The following RELB variants were observed in gnomAD, a reference collection of about 807,000 sequenced individuals.
RELB encodes RELB proto-oncogene, NF-kB subunit.
Under a neutral mutation model 55.4 loss-of-function variants are expected in RELB, and 14 were observed. That is an observed-to-expected ratio of 0.25 (90% CI 0.17 to 0.40). The LOEUF is 0.40. RELB is among the 10% of genes least tolerant of loss of function. The probability of loss-of-function intolerance (pLI) is 1.00; values close to 1 mark genes in which losing one functional copy is unlikely to be tolerated. For missense variants in RELB, 669 were observed against 830.7 expected (o/e 0.81, Z 2.39); for synonymous variants, 409 against 371.3 (o/e 1.10, Z -1.17).
chr19:45,035,165 A>G (rs1255763599), intron 11 of RELB, among the ~76,000 whole-genome samples: 1 of 151,954 alleles, frequency 6.6e-6, no homozygotes, highest in Non-Finnish European at 1.5e-5. Context: ...AACTGCATTT[A>G]CAGCAAAACC....
chr19:45,008,186 A>G lies in RELB; in HGVS notation c.155-1628A>G, dbSNP rs184937866. ...CTCCGTCTCAAAAAAATAAAAATAAATAAAATAAAATAAAATAAAATATTA... is the reference window on the plus strand; with the variant it reads ...CTCCGTCTCAAAAAAATAAAAATAAGTAAAATAAAATAAAATAAAATATTA... On this transcript the variant is annotated intron_variant, in intron 2 of 11. Transcript: ENST00000221452. Among the ~76,000 whole-genome samples the G allele has an allele frequency of 2.6e-3, 393 of 151,062 alleles. 12 individuals carry two copies. The highest frequency in any genetic ancestry group is 0.024 in the Admixed American group (357 of 15,168).
intron 2 of RELB, chr19:45,008,760 G>T (rs1351409234): frequency 3.1e-6 from 1 of 327,580 alleles, no homozygotes. Context: ...ACCAGCGCAG[G>T]CAGCCCTGGG....
intron 8 of RELB, among the ~76,000 whole-genome samples, chr19:45,031,272 C>T (rs567672379): frequency 6.6e-5 from 10 of 151,656 alleles, no homozygotes; most frequent in Non-Finnish European, 1.0e-4. Flanking sequence ...CACAGGCGTG[C>T]GCCACCATGC....
At chr19:45,009,906 G>C (rs1057171471) in intron 3 of RELB, 84 bp downstream of exon 3, 1 of 1,323,676 alleles carries the variant, frequency 7.6e-7, no homozygotes, top group African/African-American at 1.4e-5. Context: ...TTGTTCAGTG[G>C]GGGTGGGGGA....
chr19:45,017,453 A>AAAAAAAAAAAACAAAAAAAAACAAAAC (rs1568400048), intron 4 of RELB, among the ~76,000 whole-genome samples: 2 of 151,102 alleles, frequency 1.3e-5, no homozygotes, highest in African/African-American at 4.9e-5. Context: ...TCTGTCTAAA[A>AAAAAAAAAAAACAAAAAAAAACAAAAC]AAAAAAAAAA....
At chr19:45,028,620 C>T (rs924757703) in intron 7 of RELB, among the ~76,000 whole-genome samples, 8 of 152,324 alleles carry the variant, frequency 5.3e-5, no homozygotes, top group Non-Finnish European at 1.0e-4. Context: ...AGGCGTGAGC[C>T]ACCATGCCCG....
intron 8 of RELB, among the ~76,000 whole-genome samples, chr19:45,031,630 C>T (rs1350617051): frequency 6.6e-6 from 1 of 152,036 alleles, no homozygotes; most frequent in Non-Finnish European, 1.5e-5. Flanking sequence ...GGCTGGAGTG[C>T]AGTGGTGCGA....
chr19:45,016,811 C>T (rs879340262), intron 4 of RELB, among the ~76,000 whole-genome samples: 3 of 152,028 alleles, frequency 2.0e-5, no homozygotes, highest in Non-Finnish European at 2.9e-5. Context: ...GAGCTGAGAT[C>T]GTGCCATTGC....
intron 2 of RELB, chr19:45,003,524 T>C (rs771777805): frequency 4.0e-6 from 2 of 503,294 alleles, no homozygotes; most frequent in South Asian, 2.9e-5. Flanking sequence ...TCTTACCACC[T>C]ATCCATGCGC....
chr19:45,022,217 AC>A lies in RELB; in HGVS notation c.662+12del, dbSNP rs763446566. 40 of 1,584,998 alleles carry A rather than the reference AC, an allele frequency of 2.5e-5. No homozygotes were observed. Among genetic ancestry groups the A allele is most frequent in the Non-Finnish European group, 3.2e-5 (37 of 1,168,498 alleles). ...ACGTCAGCCCCCGGCACAGGTACCC[AC>A]CCCCTGACCTCCGACCTCTCATCCT... is the stretch of plus-strand genomic sequence containing the variant. On this transcript the variant is annotated splice_region_variant and intron_variant, in intron 5 of 11. Coordinates refer to ENST00000221452, the MANE Select transcript of RELB (RefSeq NM_006509.4).
intron 3 of RELB, among the ~76,000 whole-genome samples, chr19:45,011,256 G>A (rs894748888): frequency 1.3e-5 from 2 of 151,770 alleles, no homozygotes; most frequent in Non-Finnish European, 2.9e-5. Flanking sequence ...TCCGCCTGAC[G>A]GTTTCAAGCG....
At chr19:45,026,952 G>A (rs1005020105) in intron 7 of RELB, among the ~76,000 whole-genome samples, 8 of 152,172 alleles carry the variant, frequency 5.3e-5, no homozygotes, top group Non-Finnish European at 7.3e-5. Flanking sequence ...CAACTTAGCC[G>A]GGCGAGGTGG....
intron 7 of RELB, among the ~76,000 whole-genome samples, chr19:45,027,313 C>T (rs35634766): frequency 0.012 from 1,792 of 151,320 alleles, 40 homozygotes; most frequent in African/African-American, 0.041. Flanking sequence ...GTTCTATTAA[C>T]GAGAAAAAAT....
chr19:45,025,359 G>A lies in RELB; in HGVS notation c.693G>A (p.Arg231=). Residue 231 remains arginine (R), a synonymous_variant, in exon 6 of 12, where the codon AGG becomes AGA. Coordinates refer to ENST00000221452, the MANE Select transcript of RELB (RefSeq NM_006509.4). ...ACAACCTGGGCATCCAGTGTGTGAGGAAGAAGGAGATTGAGGCTGCCATTG... is the reference window on the plus strand; with the variant it reads ...ACAACCTGGGCATCCAGTGTGTGAGAAAGAAGGAGATTGAGGCTGCCATTG... ...SFNNLGIQCV[R]KKEIEAAIER... is the part of the protein sequence containing the mutation. 6.2e-7 allele frequency: 1 copy of A among 1,612,780 alleles called. No individual in the cohort carries two copies. Among genetic ancestry groups the A allele is most frequent in the East Asian group, 2.2e-5 (1 of 44,852 alleles).
In RELB at chr19:45,019,307, C is replaced by T. The variant is rs761861422; in HGVS notation, c.505-2746C>T. On this transcript the variant is annotated intron_variant, in intron 4 of 11. Transcript: ENST00000221452. ...TGAACTCCTGTGCTGAAGCAACCCA[C>T]CTTCCCTGGCCTCCAAAAAGTGCTG... Among the ~76,000 whole-genome samples, 41 of 152,026 alleles carry T rather than the reference C, an allele frequency of 2.7e-4. 1 individual carries two copies. Among genetic ancestry groups the T allele is most frequent in the Non-Finnish European group, 5.9e-5 (4 of 68,010 alleles).
chr19:45,002,285 C>G (rs1219006591), intron 1 of RELB, among the ~76,000 whole-genome samples: 1 of 152,064 alleles, frequency 6.6e-6, no homozygotes, highest in Non-Finnish European at 1.5e-5. Flanking sequence ...GACGGAGAAG[C>G]GGAGCCTTGA....
chr19:45,009,725 C>A, intron 2 of RELB, 89 bp from the exon 3 acceptor site: 2 of 1,467,734 alleles, frequency 1.4e-6, no homozygotes, highest in African/African-American at 1.4e-5. Flanking sequence ...ACAGGAGGGA[C>A]AGGGTTGGGG....
chr19:45,001,634 C>G lies in RELB; in HGVS notation c.55C>G (p.Pro19Ala), dbSNP rs1217795221. The G allele has an allele frequency of 6.6e-7, 1 of 1,523,846 alleles. No homozygotes were observed. Among genetic ancestry groups the G allele is most frequent in the Non-Finnish European group, 8.8e-7 (1 of 1,141,984 alleles). The allele number at this position is 1,523,846 out of a possible 1,614,324, so 94.4% of individuals were successfully genotyped here. A position where few individuals can be genotyped will look rare whatever the true frequency, so the allele number is the denominator to read the frequency against. The change falls in exon 1 of 12, where the codon CCG becomes GCG. Residue 19 changes from proline (P) to alanine (A), a missense_variant. By Grantham distance (27) the Pro-to-Ala change is conservative. Coordinates refer to ENST00000221452, the MANE Select transcript of RELB (RefSeq NM_006509.4). Reference protein sequence around the residue: ...GPSVPTGRAMPSRRVARPPAA... With the variant: ...GPSVPTGRAMASRRVARPPAA... ...GTCCGTCCCCACTGGCCGGGCCATG[C>G]CGAGTCGCCGCGTCGCCAGACCGCC...
At position 45,034,107 on chromosome 19, in the gene RELB, C is replaced by T. The variant is rs1600083825; in HGVS notation, c.1208-137C>T. 17 of 577,366 alleles carry T rather than the reference C, an allele frequency of 2.9e-5. No individual in the cohort carries two copies. The East Asian group carries it at 5.9e-4, about 20-fold the overall frequency. The allele number at this position is 577,366 out of a possible 1,614,324, so 35.8% of individuals were successfully genotyped here. ...CTGGCAGGCAGAGGTTGCAGTGAGC[C>T]AAGACCGTGCCACTGCACTCCAGCC... is the stretch of plus-strand genomic sequence containing the variant. On this transcript the variant is annotated intron_variant, in intron 9 of 11. Transcript: ENST00000221452.
Sources: allele counts gnomAD v4.1 joint callset (sites outside exome capture counted in the v4.1 genomes callset), GRCh38; gene constraint gnomAD v4.1.1; transcripts MANE v1.5; gene names NCBI Gene and HGNC (gene_info 2026-07-23, HGNC 2026-07-21).